The following PAPOLA variants were observed in gnomAD, a reference collection of about 807,000 sequenced individuals.
PAPOLA encodes the protein polynucleotide adenylyltransferase alpha.
A neutral mutation model predicts 100.6 loss-of-function variants in PAPOLA; 15 were observed. The ratio of observed to expected loss-of-function variants is 0.15; its 90% CI spans 0.10 to 0.23. The LOEUF (loss-of-function observed/expected upper bound fraction) is 0.23, where lower values mean the gene tolerates loss of function less well. Among genes scored for constraint, PAPOLA ranks in the 10% least tolerant of loss-of-function variants. The pLI is 1.00. For missense variants in PAPOLA, 533 were observed against 884.2 expected, an observed-to-expected ratio of 0.60 and a Z score of 5.04; for synonymous variants, 293 against 300.0, an observed-to-expected ratio of 0.98 and a Z score of 0.24.
chr14:96,555,711 T>A (rs1901259654), intron 17 of PAPOLA, 136 bp from the exon 18 acceptor site: 2 of 460,196 alleles, frequency 4.3e-6, no homozygotes, highest in East Asian at 7.2e-5. Context: ...GTTGCTAAAT[T>A]GTATGTATAG....
chr14:96,519,081 G>A (rs118178653), intron 1 of PAPOLA, among the ~76,000 whole-genome samples: 2,383 of 151,722 alleles, frequency 0.016, 37 homozygotes, highest in Non-Finnish European at 0.024. Context: ...AGCTGTGTGT[G>A]TGTGTAAAAT....
Position 96,552,505 on chromosome 14 carries a change from C to T in PAPOLA, c.1547C>T (p.Thr516Ile), listed in dbSNP as rs1314259062. Reference protein sequence around the residue: ...KKHSTEGVKLTALNDSSLDLS... With the variant: ...KKHSTEGVKLIALNDSSLDLS... The stretch of plus-strand genomic sequence containing the variant: ...CATTCAACAGAAGGTGTCAAATTGA[C>T]AGCTCTCAATGACAGCAGCCTCGAC... Residue 516 changes from threonine (T) to isoleucine (I), a missense_variant, in exon 17 of 22, where the codon ACA (threonine) becomes ATA (isoleucine). By Grantham distance (89) the Thr-to-Ile change is moderately conservative. Coordinates refer to ENST00000216277, the MANE Select transcript of PAPOLA (RefSeq NM_032632.5). The T allele has an allele frequency of 3.7e-6, 6 of 1,613,410 alleles. No homozygotes were observed. The highest frequency in any genetic ancestry group is 5.1e-6 in the Non-Finnish European group (6 of 1,179,516).
intron 17 of PAPOLA, among the ~76,000 whole-genome samples, chr14:96,555,449 A>G (rs1901235377): frequency 6.6e-6 from 1 of 152,112 alleles, no homozygotes; most frequent in Non-Finnish European, 1.5e-5. Flanking sequence ...ATTAGCTAAG[A>G]ATAGATCTTT....
chr14:96,556,214 C>A lies in PAPOLA; in HGVS notation c.1805C>A (p.Pro602Gln). The A allele has an allele frequency of 6.2e-7, 1 of 1,614,014 alleles. No homozygotes were observed. Among genetic ancestry groups the A allele is most frequent in the Non-Finnish European group, 8.5e-7 (1 of 1,179,998 alleles). Reference sequence around the variant, plus strand: ...AGCATTCCTCAAACTGCCACACAACCAGCCATTTCTCCACCACCAAAGCCT... The same window carrying A: ...AGCATTCCTCAAACTGCCACACAACAAGCCATTTCTCCACCACCAAAGCCT... Reference protein sequence around the residue: ...SESIPQTATQPAISPPPKPTV... With the variant: ...SESIPQTATQQAISPPPKPTV... The change falls in exon 19 of 22, where the codon CCA becomes CAA. Residue 602 changes from proline to glutamine, a missense_variant. Around this residue, in one of 9 missense-constraint regions of PAPOLA, gnomAD observed 242 missense variants for 281.0 expected, o/e 0.86. Coordinates refer to ENST00000216277, the MANE Select transcript of PAPOLA (RefSeq NM_032632.5).
chr14:96,533,129 G>A (rs1045894140), intron 9 of PAPOLA: 2 of 982,850 alleles, frequency 2.0e-6, no homozygotes, highest in Non-Finnish European at 2.4e-6. Flanking sequence ...AACATTAAGT[G>A]CTTCGGGACA....
At chr14:96,543,015 T>G in intron 14 of PAPOLA, 122 bp downstream of exon 14, 1 of 969,128 alleles carries the variant, frequency 1.0e-6, no homozygotes, top group South Asian at 1.6e-5. Flanking sequence ...TTATAGACAA[T>G]TTAGAACTTA....
At chr14:96,564,742 C>G (rs1260256860) in intron 21 of PAPOLA, among the ~76,000 whole-genome samples, 1 of 151,876 alleles carries the variant, frequency 6.6e-6, no homozygotes, top group Non-Finnish European at 1.5e-5. Flanking sequence ...TAAAATATAC[C>G]TATTTGAAAA....
At position 96,562,904 on chromosome 14, in the gene PAPOLA, C is replaced by T. The variant is rs1901980253; in HGVS notation, c.2142+11C>T. The T allele has an allele frequency of 1.9e-6, 3 of 1,574,706 alleles. No individual in the cohort carries two copies. The highest frequency in any genetic ancestry group is 2.7e-5 in the African/African-American group (2 of 73,926). On this transcript the variant is annotated intron_variant, in intron 21 of 21. Transcript: ENST00000216277. ...CTGTTGGCCTCTCAGGTACTAAGTGCAAAAAGCAAGGAGAATTTTGTAAAT... is the reference window on the plus strand; with the variant it reads ...CTGTTGGCCTCTCAGGTACTAAGTGTAAAAAGCAAGGAGAATTTTGTAAAT...
chr14:96,506,156 G>T (rs961143886), intron 1 of PAPOLA, among the ~76,000 whole-genome samples: 5 of 151,986 alleles, frequency 3.3e-5, no homozygotes, highest in African/African-American at 1.2e-4. Context: ...CCCCCACCTC[G>T]GCCTCCCAAA....
intron 19 of PAPOLA, among the ~76,000 whole-genome samples, chr14:96,558,955 T>C (rs945655576): frequency 6.6e-6 from 1 of 151,916 alleles, no homozygotes; most frequent in African/African-American, 2.4e-5. Context: ...TTGTTTGATA[T>C]CTCTAAGTGT....
chr14:96,519,131 G>A (rs986098973), intron 1 of PAPOLA, among the ~76,000 whole-genome samples: 8 of 150,402 alleles, frequency 5.3e-5, no homozygotes, highest in Non-Finnish European at 1.0e-4. Context: ...GTTTCAGCAT[G>A]TTATCCAGGC....
intron 11 of PAPOLA, among the ~76,000 whole-genome samples, chr14:96,536,375 T>C (rs1209839845): frequency 6.7e-6 from 1 of 150,052 alleles, no homozygotes; most frequent in Non-Finnish European, 1.5e-5. Context: ...CCCAATTACA[T>C]TCCATTATTT....
intron 17 of PAPOLA, 51 bp from the exon 18 acceptor site, chr14:96,555,796 T>A (rs201491584): frequency 1.6e-5 from 15 of 930,466 alleles, no homozygotes; most frequent in Admixed American, 7.1e-5. Flanking sequence ...ATTTTTTTTT[T>A]ATTTTTCTAT....
chr14:96,528,492 ATAAAGT>A (rs1241289673), intron 6 of PAPOLA, among the ~76,000 whole-genome samples: 4 of 152,222 alleles, frequency 2.6e-5, no homozygotes, highest in African/African-American at 9.6e-5. Flanking sequence ...AGTGATGAGA[ATAAAGT>A]TGACAGTGAA....
chr14:96,547,645 AT>A (rs1317207578), intron 15 of PAPOLA, 151 bp from the exon 16 acceptor site: 2 of 538,860 alleles, frequency 3.7e-6, no homozygotes, highest in Non-Finnish European at 6.5e-6. Context: ...CAGGCAATGA[AT>A]TATGTCAGAT....
chr14:96,559,562 TC>T (rs1901644861), intron 19 of PAPOLA, among the ~76,000 whole-genome samples: 1 of 106,434 alleles, frequency 9.4e-6, no homozygotes, highest in African/African-American at 4.7e-5. Context: ...TCTCTCTCTC[TC>T]TCTCTCTCTC....
chr14:96,555,732 C>A, intron 17 of PAPOLA, 115 bp from the exon 18 acceptor site: 1 of 522,710 alleles, frequency 1.9e-6, no homozygotes, highest in Non-Finnish European at 3.3e-6. Flanking sequence ...GAAGTAAAAC[C>A]AAAGAATCAT....
At position 96,552,562 on chromosome 14, in the gene PAPOLA, T is replaced by A; in HGVS notation, c.1604T>A (p.Val535Glu). The change falls in exon 17 of 22, where the codon GTG becomes GAG. Residue 535 changes from valine to glutamate, a missense_variant. By Grantham distance (121) the Val-to-Glu change is moderately radical. Transcript: ENST00000216277. Reference sequence around the variant, plus strand: ...ATGGACAGTGATAACAGCATGTCTGTGCCTTCACCTACTAGTGCTACGAAG... The same window carrying A: ...ATGGACAGTGATAACAGCATGTCTGAGCCTTCACCTACTAGTGCTACGAAG... ...LSMDSDNSMSVPSPTSATKTS... is the reference protein window; with the variant it reads ...LSMDSDNSMSEPSPTSATKTS... 6.2e-7 allele frequency: 1 copy of A among 1,614,086 alleles called. No homozygotes were observed. The highest frequency in any genetic ancestry group is 8.5e-7 in the Non-Finnish European group (1 of 1,179,912).
intron 1 of PAPOLA, among the ~76,000 whole-genome samples, chr14:96,506,192 C>T (rs1595490644): frequency 6.6e-6 from 1 of 152,154 alleles, no homozygotes; most frequent in Non-Finnish European, 1.5e-5. Flanking sequence ...GCATGAGCCA[C>T]GGCGCCCGGC....
Sources: allele counts gnomAD v4.1 joint callset (sites outside exome capture counted in the v4.1 genomes callset), GRCh38; gene constraint gnomAD v4.1.1; regional missense constraint gnomAD v4.1.1; transcripts MANE v1.5; gene names NCBI Gene and HGNC (gene_info 2026-07-23, HGNC 2026-07-21).